Variants in TEX9 observed in about 807,000 individuals in gnomAD.
TEX9 encodes the protein testis-expressed protein 9.
TEX9 carries 74 observed loss-of-function variants against 59.6 expected under a neutral mutation model. The ratio of observed to expected loss-of-function variants is 1.24; its 90% CI spans 1.03 to 1.51. The LOEUF is 1.51. TEX9 is among the 40% of genes most tolerant of loss of function. The probability of loss-of-function intolerance (pLI) is 0.00; values close to 1 mark genes in which losing one functional copy is unlikely to be tolerated. For synonymous variants in TEX9, 186 were observed against 152.2 expected (o/e 1.22, Z -1.64); for missense variants, 522 against 447.8 (o/e 1.17, Z -1.49).
At chr15:56,329,061 G>A (rs2046087016) in intron 1 of TEX9, among the ~76,000 whole-genome samples, 1 of 152,130 alleles carries the variant, frequency 6.6e-6, no homozygotes, top group African/African-American at 2.4e-5. Flanking sequence ...CCCACCCCCA[G>A]CTCCACACAG....
intron 1 of TEX9, among the ~76,000 whole-genome samples, chr15:56,276,234 C>T (rs1168554652): frequency 6.6e-6 from 1 of 151,988 alleles, no homozygotes; most frequent in Non-Finnish European, 1.5e-5. Flanking sequence ...CATAGGTATA[C>T]ATGGGCCATG....
At chr15:56,299,428 C>G (rs1044555207) in intron 1 of TEX9, among the ~76,000 whole-genome samples, 1 of 152,134 alleles carries the variant, frequency 6.6e-6, no homozygotes, top group Non-Finnish European at 1.5e-5. Flanking sequence ...CACTCAGGGT[C>G]CCTAAATAAC....
downstream of TEX9, chr15:56,447,153 T>C: frequency 2.3e-6 from 1 of 426,518 alleles, no homozygotes; most frequent in East Asian, 3.8e-5. Flanking sequence ...TACTGCTCTG[T>C]TCTATTACAT....
chr15:56,323,517 T>C, intron 1 of TEX9: 1 of 195,362 alleles, frequency 5.1e-6, no homozygotes, highest in South Asian at 1.1e-4. Context: ...CAAGCAGCCT[T>C]ATGAAAAGAA....
At chr15:56,261,714 C>T (rs1054273708) in intron 1 of TEX9, among the ~76,000 whole-genome samples, 1 of 150,496 alleles carries the variant, frequency 6.6e-6, no homozygotes, top group East Asian at 1.9e-4. Context: ...GAGAGACTGT[C>T]TCAAAAAAAA....
At chr15:56,369,752 GTATT>G (rs2047107030) in intron 2 of TEX9, among the ~76,000 whole-genome samples, 1 of 152,170 alleles carries the variant, frequency 6.6e-6, no homozygotes, top group African/African-American at 2.4e-5. Context: ...GATAGAAAAT[GTATT>G]TATTATTTGT....
intron 12 of TEX9, among the ~76,000 whole-genome samples, chr15:56,433,175 G>C (rs12910210): frequency 6.8e-6 from 1 of 147,690 alleles, no homozygotes; most frequent in Admixed American, 6.8e-5. Context: ...CTTTCCTTAG[G>C]ATGTCACCCA....
intron 1 of TEX9, among the ~76,000 whole-genome samples, chr15:56,305,332 C>A (rs1449575455): frequency 6.6e-6 from 1 of 151,962 alleles, no homozygotes; most frequent in Non-Finnish European, 1.5e-5. Context: ...TCACCTTGAG[C>A]AAAATGAACA....
At chr15:56,456,535 T>C in the TEX9 span, 1 of 1,605,356 alleles carries the variant, frequency 6.2e-7, no homozygotes, top group Non-Finnish European at 8.5e-7. Flanking sequence ...AACGAAAAAT[T>C]TAACTTCGTT....
At chr15:56,329,224 G>A (rs565322187) in intron 1 of TEX9, among the ~76,000 whole-genome samples, 90 of 152,256 alleles carry the variant, frequency 5.9e-4, no homozygotes, top group African/African-American at 2.1e-3. Context: ...AACATTACAG[G>A]GCTTGGAGTA....
intron 1 of TEX9, among the ~76,000 whole-genome samples, chr15:56,358,584 G>A (rs547594928): frequency 6.6e-6 from 1 of 152,174 alleles, no homozygotes; most frequent in Non-Finnish European, 1.5e-5. Flanking sequence ...GAAATTAGTA[G>A]ACCATTACTG....
downstream of TEX9, among the ~76,000 whole-genome samples, chr15:56,449,025 G>A (rs1487267224): frequency 1.3e-5 from 2 of 152,112 alleles, no homozygotes; most frequent in Non-Finnish European, 2.9e-5. Context: ...AAAGTGCTGG[G>A]ATTAGAGGCA....
At chr15:56,455,769 A>C in the TEX9 span, among the ~76,000 whole-genome samples, 1 of 152,126 alleles carries the variant, frequency 6.6e-6, no homozygotes, top group Admixed American at 6.6e-5. Flanking sequence ...GAATACTAAT[A>C]ATTTAAACTG....
intron 12 of TEX9, chr15:56,444,568 AG>A (rs1316790151): frequency 1.2e-6 from 2 of 1,612,986 alleles, no homozygotes; most frequent in Admixed American, 3.3e-5. Flanking sequence ...AAGTCAAGAT[AG>A]TACTGTGCTT....
At chr15:56,432,126 C>G (rs2140321433) in intron 12 of TEX9, among the ~76,000 whole-genome samples, 1 of 152,234 alleles carries the variant, frequency 6.6e-6, no homozygotes, top group East Asian at 1.9e-4. Context: ...AGAGGAGATA[C>G]AGGAAAGTTC....
chr15:56,359,320 C>T (rs1165112254), intron 1 of TEX9, among the ~76,000 whole-genome samples: 1 of 152,122 alleles, frequency 6.6e-6, no homozygotes, highest in Non-Finnish European at 1.5e-5. Context: ...AGAACTTTTT[C>T]ATCATCTCAA....
At position 56,258,429 on chromosome 15, in the gene TEX9, G is replaced by A. The variant is rs13380250; in HGVS notation, c.-107+14151G>A. On this transcript the variant is annotated intron_variant, in intron 1 of 5. Transcript: ENST00000560827. Reference sequence around the variant, plus strand: ...TTCTTCCAATCCATGAGCATGGAATGTTTTTCCATTTGTTTGTGTCATCTC... The same window carrying A: ...TTCTTCCAATCCATGAGCATGGAATATTTTTCCATTTGTTTGTGTCATCTC... Among the ~76,000 whole-genome samples, 405 of 152,192 alleles carry A rather than the reference G, an allele frequency of 2.7e-3. 4 individuals are homozygous for A. Among genetic ancestry groups the A allele is most frequent in the African/African-American group, 9.3e-3 (385 of 41,540 alleles).
intron 12 of TEX9, among the ~76,000 whole-genome samples, chr15:56,435,768 C>T (rs2050713525): frequency 6.6e-6 from 1 of 152,016 alleles, no homozygotes; most frequent in Admixed American, 6.6e-5. Flanking sequence ...GAATTCTACA[C>T]AATCTCTTCC....
intron 1 of TEX9, among the ~76,000 whole-genome samples, chr15:56,347,030 C>G (rs916738896): frequency 5.6e-4 from 85 of 152,114 alleles, no homozygotes; most frequent in African/African-American, 1.8e-3. Context: ...ACCAAATATG[C>G]GTAGGACTTG....
Sources: gnomAD v4.1 joint callset for allele counts (sites outside exome capture counted in the v4.1 genomes callset) on GRCh38, gnomAD v4.1.1 for gene constraint, MANE v1.5 for transcripts, NCBI Gene and HGNC (gene_info 2026-07-23, HGNC 2026-07-21) for gene names.